CSMD3: variants seen among roughly 807,000 people sequenced by gnomAD.
CSMD3 encodes the protein CUB and Sushi multiple domains 3.
CSMD3 carries 177 observed loss-of-function variants against 435.2 expected under a neutral mutation model. The observed-to-expected ratio is 0.41, with a 90% CI of 0.36 to 0.46. CSMD3 has a LOEUF of 0.46. Among genes scored for constraint, CSMD3 ranks in the 20% least tolerant of loss-of-function variants. CSMD3 has a pLI of 0.34. For synonymous variants in CSMD3, 1,656 were observed against 1,520.5 expected (o/e 1.09, Z -2.07); for missense variants, 4,265 against 4,504.6 (o/e 0.95, Z 1.52).
chr8:112,451,346 T>C (rs539212083), intron 32 of CSMD3, among the ~76,000 whole-genome samples: 72 of 152,118 alleles, frequency 4.7e-4, no homozygotes, highest in Admixed American at 1.0e-3. Flanking sequence ...TAAAAGATTA[T>C]GGAAGTATCA....
intron 13 of CSMD3, among the ~76,000 whole-genome samples, chr8:112,696,644 C>T (rs1373390144): frequency 6.6e-6 from 1 of 152,124 alleles, no homozygotes; most frequent in Non-Finnish European, 1.5e-5. Flanking sequence ...CTAGGCAATA[C>T]CATTCAGGAC....
At chr8:113,071,122 G>A (rs2089096042) in intron 5 of CSMD3, among the ~76,000 whole-genome samples, 2 of 151,836 alleles carry the variant, frequency 1.3e-5, no homozygotes, top group South Asian at 4.2e-4. Flanking sequence ...GTCCTCACTT[G>A]GGAAATATCT....
intron 2 of CSMD3, among the ~76,000 whole-genome samples, chr8:113,296,756 T>G (rs915265439): frequency 1.3e-5 from 2 of 152,046 alleles, no homozygotes; most frequent in Non-Finnish European, 2.9e-5. Flanking sequence ...TTCTGTTTCT[T>G]GGTTAGAAAA....
intron 13 of CSMD3, among the ~76,000 whole-genome samples, chr8:112,793,145 AC>A (rs2078733957): frequency 6.8e-6 from 1 of 147,768 alleles, no homozygotes; most frequent in Non-Finnish European, 1.5e-5. Context: ...TTAATATATT[AC>A]ATATTAAATT....
chr8:113,197,104 C>T (rs953808724), intron 3 of CSMD3, among the ~76,000 whole-genome samples: 25 of 151,176 alleles, frequency 1.7e-4, no homozygotes, highest in African/African-American at 5.8e-4. Context: ...TAATATCTAC[C>T]TCATATACAG....
chr8:113,422,732 CAGAG>C (rs953079349), intron 1 of CSMD3, among the ~76,000 whole-genome samples: 2 of 152,066 alleles, frequency 1.3e-5, no homozygotes, highest in African/African-American at 4.8e-5. Flanking sequence ...GTGTGACCCA[CAGAG>C]TGTAAGAGAG....
chr8:112,409,124 G>C, intron 32 of CSMD3, 92 bp from the exon 33 acceptor site: 6,906 of 1,230,930 alleles, frequency 5.6e-3, no homozygotes, highest in Non-Finnish European at 7.4e-3. Context: ...AGGAGAGAGA[G>C]AACAAAGTAT....
rs116528713 is a variant in CSMD3, at chr8:112,834,592, A to G, written c.1756-4803T>C. On this transcript the variant is annotated intron_variant, in intron 11 of 70. Coordinates refer to ENST00000297405, the MANE Select transcript of CSMD3 (RefSeq NM_198123.2). ...TTCATTCTATAATGTAATAAGTAAC[A>G]TCAGGAGTCTGATGTAAAATTTTCC... Among the ~76,000 whole-genome samples, 785 of 151,824 alleles carry G rather than the reference A, an allele frequency of 5.2e-3. 3 individuals carry two copies. The highest frequency in any genetic ancestry group is 0.018 in the African/African-American group (744 of 41,546).
chr8:113,400,040 G>T (rs1197551171), intron 1 of CSMD3, among the ~76,000 whole-genome samples: 1 of 151,750 alleles, frequency 6.6e-6, no homozygotes, highest in South Asian at 2.1e-4. Context: ...TGGTGACAGA[G>T]TCTTAGCTTT....
intron 12 of CSMD3, among the ~76,000 whole-genome samples, chr8:112,810,523 CTG>C (rs2079196871): frequency 6.6e-6 from 1 of 152,008 alleles, no homozygotes; most frequent in African/African-American, 2.4e-5. Context: ...ATTTAATTGA[CTG>C]TTATTATAAT....
chr8:113,074,879 A>G (rs962357225), intron 5 of CSMD3, among the ~76,000 whole-genome samples: 8 of 151,822 alleles, frequency 5.3e-5, no homozygotes, highest in African/African-American at 1.7e-4. Flanking sequence ...TTTATAATGG[A>G]AAACTATCTT....
chr8:113,227,664 C>G (rs1213044796), intron 3 of CSMD3, among the ~76,000 whole-genome samples: 1 of 151,572 alleles, frequency 6.6e-6, no homozygotes, highest in Non-Finnish European at 1.5e-5. Context: ...CAGTTCCTGC[C>G]TCTCTTGTGC....
intron 13 of CSMD3, among the ~76,000 whole-genome samples, chr8:112,749,885 T>C (rs2077526999): frequency 6.6e-6 from 1 of 152,074 alleles, no homozygotes; most frequent in African/African-American, 2.4e-5. Context: ...CAGAGAAGGA[T>C]TGAAGACTGC....
chr8:113,238,174 C>G (rs966839343), intron 3 of CSMD3, among the ~76,000 whole-genome samples: 60 of 150,888 alleles, frequency 4.0e-4, no homozygotes, highest in Non-Finnish European at 1.2e-4. Flanking sequence ...GTTTTTAGTT[C>G]TGCATATTTG....
chr8:112,891,042 C>T lies in CSMD3; in HGVS notation c.1633+30585G>A, dbSNP rs1224740003. ...TTTATATGTAGTCTTTTAATAGTCA[C>T]ATTCCATCAGAGAGCAGGATAGTAT... On this transcript the variant is annotated intron_variant, in intron 10 of 70. Coordinates refer to ENST00000297405, the MANE Select transcript of CSMD3 (RefSeq NM_198123.2). Among the ~76,000 whole-genome samples the T allele has an allele frequency of 2.6e-5, 4 of 151,624 alleles. No individual in the cohort carries two copies. In the East Asian group the frequency reaches 7.8e-4, roughly 30 times the overall value.
chr8:112,240,804 C>T (rs948418292), intron 66 of CSMD3, among the ~76,000 whole-genome samples: 4 of 152,064 alleles, frequency 2.6e-5, no homozygotes, highest in Admixed American at 6.6e-5. Flanking sequence ...ATCATGGATA[C>T]TGTTCTCTTG....
intron 46 of CSMD3, among the ~76,000 whole-genome samples, 199 bp downstream of exon 46, chr8:112,319,702 A>C (rs974555901): frequency 6.6e-6 from 1 of 152,146 alleles, no homozygotes; most frequent in Non-Finnish European, 1.5e-5. Flanking sequence ...TTCCAGAAAA[A>C]CAAAATTAAT....
intron 45 of CSMD3, among the ~76,000 whole-genome samples, chr8:112,328,614 G>A (rs988315953): frequency 1.4e-4 from 22 of 152,236 alleles, no homozygotes; most frequent in African/African-American, 5.1e-4. Context: ...TCTGTGTCCT[G>A]ACCCAAATCT....
intron 1 of CSMD3, among the ~76,000 whole-genome samples, chr8:113,326,621 A>G (rs2093985722): frequency 6.6e-6 from 1 of 152,166 alleles, no homozygotes; most frequent in Non-Finnish European, 1.5e-5. Flanking sequence ...TGTTTTATCT[A>G]TAAAACTTAT....
Sources: gnomAD v4.1 joint callset for allele counts (sites outside exome capture counted in the v4.1 genomes callset) on GRCh38, gnomAD v4.1.1 for gene constraint, MANE v1.5 for transcripts, NCBI Gene and HGNC (gene_info 2026-07-23, HGNC 2026-07-21) for gene names.